DLGAP2: variants seen among roughly 807,000 people sequenced by gnomAD.
DLGAP2 encodes the protein DLG associated protein 2, also known as disks large-associated protein 2.
In DLGAP2, 26 loss-of-function variants were observed where a neutral mutation model predicts 100.3. The observed-to-expected ratio is 0.26, with a 90% CI of 0.19 to 0.36. DLGAP2 has a LOEUF of 0.36. DLGAP2 is among the 10% of genes least tolerant of loss of function. The pLI, the probability that DLGAP2 is intolerant of heterozygous loss-of-function variation, is 1.00. For synonymous variants in DLGAP2, 886 were observed against 630.1 expected, an observed-to-expected ratio of 1.41 and a Z score of -6.08; for missense variants, 1,858 against 1,453.2, an observed-to-expected ratio of 1.28 and a Z score of -4.53.
At chr8:1,377,414 G>C (rs552369719) in intron 3 of DLGAP2, among the ~76,000 whole-genome samples, 1 of 152,346 alleles carries the variant, frequency 6.6e-6, no homozygotes, top group East Asian at 1.9e-4. Flanking sequence ...CGAGGTGGCA[G>C]GCGCCTATAG....
intron 2 of DLGAP2, among the ~76,000 whole-genome samples, chr8:956,157 C>T (rs1054310873): frequency 2.6e-5 from 4 of 152,180 alleles, no homozygotes; most frequent in African/African-American, 7.2e-5. Flanking sequence ...TTTGTGTGTG[C>T]GTCTGGTGCA....
chr8:1,204,041 C>T (rs1212186412), intron 2 of DLGAP2, among the ~76,000 whole-genome samples: 1 of 152,238 alleles, frequency 6.6e-6, no homozygotes, highest in Non-Finnish European at 1.5e-5. Flanking sequence ...TGCTTACGAA[C>T]CACCTGAGGA....
intron 3 of DLGAP2, among the ~76,000 whole-genome samples, chr8:1,309,827 G>A (rs951628236): frequency 1.3e-5 from 2 of 152,258 alleles, no homozygotes; most frequent in African/African-American, 4.8e-5. Flanking sequence ...GGGCGCCGTG[G>A]CTGACGCCTG....
chr8:1,336,522 C>T (rs1469092335), intron 3 of DLGAP2, among the ~76,000 whole-genome samples: 2 of 152,182 alleles, frequency 1.3e-5, no homozygotes, highest in African/African-American at 2.4e-5. Context: ...AACTCTGTGC[C>T]GGAAGCCTTT....
At chr8:1,582,041 A>G (rs1442421056) in intron 6 of DLGAP2, among the ~76,000 whole-genome samples, 1 of 151,110 alleles carries the variant, frequency 6.6e-6, no homozygotes, top group Admixed American at 6.6e-5. Context: ...ACACGTCTAC[A>G]CACCACAGTC....
At chr8:1,180,403 C>G (rs965261082) in intron 2 of DLGAP2, among the ~76,000 whole-genome samples, 2 of 152,226 alleles carry the variant, frequency 1.3e-5, no homozygotes, top group African/African-American at 4.8e-5. Context: ...AGGGGCCTCA[C>G]AATGTTGCCC....
At chr8:766,664 G>A (rs546209406) in intron 1 of DLGAP2, among the ~76,000 whole-genome samples, 2 of 152,230 alleles carry the variant, frequency 1.3e-5, no homozygotes, top group South Asian at 4.2e-4. Context: ...AGTGGGCACC[G>A]TGCAGTCTCA....
intron 1 of DLGAP2, among the ~76,000 whole-genome samples, chr8:834,964 GTCTC>G (rs919202721): frequency 3.9e-5 from 6 of 152,208 alleles, no homozygotes; most frequent in South Asian, 2.1e-4. Flanking sequence ...ATGTGTGCCT[GTCTC>G]TGTGTGTGCA....
chr8:1,560,594 T>G (rs984317575), intron 5 of DLGAP2, among the ~76,000 whole-genome samples: 1 of 152,148 alleles, frequency 6.6e-6, no homozygotes, highest in Non-Finnish European at 1.5e-5. Flanking sequence ...ACATGACCAG[T>G]CCGAAGGCCT....
At chr8:851,894 A>G (rs1797189161) in intron 1 of DLGAP2, among the ~76,000 whole-genome samples, 1 of 152,112 alleles carries the variant, frequency 6.6e-6, no homozygotes, top group African/African-American at 2.4e-5. Context: ...ACCTTCACTA[A>G]TACCTGGAGC....
intron 2 of DLGAP2, among the ~76,000 whole-genome samples, chr8:1,043,191 TTGGTGGTGGATGC>T (rs1802414317): frequency 2.2e-4 from 21 of 96,714 alleles, no homozygotes; most frequent in East Asian, 7.0e-4. Context: ...GTGGTGGGTG[TTGGTGGTGGATGC>T]GGGTGGTGGG....
chr8:1,683,954 G>GTA (rs59220880), intron 12 of DLGAP2, among the ~76,000 whole-genome samples: 2,508 of 74,646 alleles, frequency 0.034, 78 homozygotes, highest in Non-Finnish European at 0.045. Flanking sequence ...ATATATGTGT[G>GTA]TATATATATA....
At chr8:1,044,969 A>G (rs995769178) in intron 2 of DLGAP2, among the ~76,000 whole-genome samples, 15 of 152,254 alleles carry the variant, frequency 9.9e-5, no homozygotes, top group South Asian at 4.1e-4. Context: ...TCAGAGGAAT[A>G]TGCTTACCTT....
chr8:1,106,812 C>T (rs570128585), intron 2 of DLGAP2, among the ~76,000 whole-genome samples: 1 of 152,102 alleles, frequency 6.6e-6, no homozygotes, highest in Non-Finnish European at 1.5e-5. Context: ...GGGTGAGGTG[C>T]TTGTCACTTA....
intron 1 of DLGAP2, among the ~76,000 whole-genome samples, chr8:838,473 C>G (rs1224356700): frequency 6.6e-6 from 1 of 151,828 alleles, no homozygotes; most frequent in African/African-American, 2.4e-5. Flanking sequence ...GGGTTGTGAA[C>G]CACTACTGTA....
intron 6 of DLGAP2, among the ~76,000 whole-genome samples, chr8:1,622,625 C>T (rs114782531): frequency 0.023 from 3,552 of 152,234 alleles, 135 homozygotes; most frequent in African/African-American, 0.079. Context: ...CTTTCCGTCT[C>T]GCCTGTTTGT....
At chr8:1,339,698 T>A (rs1801375901) in intron 3 of DLGAP2, among the ~76,000 whole-genome samples, 1 of 152,084 alleles carries the variant, frequency 6.6e-6, no homozygotes, top group Non-Finnish European at 1.5e-5. Flanking sequence ...GGATCCGGAG[T>A]CTCAGAGGCG....
chr8:1,554,890 A>C (rs1801906639), intron 5 of DLGAP2, among the ~76,000 whole-genome samples: 1 of 152,106 alleles, frequency 6.6e-6, no homozygotes, highest in South Asian at 2.1e-4. Context: ...AGCTTCTCAG[A>C]AAACTTCTCT....
chr8:960,387 C>A (rs1009871509), intron 2 of DLGAP2, among the ~76,000 whole-genome samples: 2 of 151,724 alleles, frequency 1.3e-5, no homozygotes, highest in Admixed American at 1.3e-4. Flanking sequence ...AGGCAGGCAC[C>A]ACCACGCCAG....
Sources: gnomAD v4.1 joint callset for allele counts (sites outside exome capture counted in the v4.1 genomes callset) on GRCh38, gnomAD v4.1.1 for gene constraint, MANE v1.5 for transcripts, NCBI Gene and HGNC (gene_info 2026-07-23, HGNC 2026-07-21) for gene names.